ADAM22: variants seen among roughly 807,000 people sequenced by gnomAD.
ADAM22 encodes ADAM metallopeptidase domain 22, also known as disintegrin and metalloproteinase domain-containing protein 22.
ADAM22 carries 65 observed loss-of-function variants against 144.6 expected under a neutral mutation model. The ratio of observed to expected loss-of-function variants is 0.45; its 90% CI spans 0.37 to 0.55. The LOEUF is 0.55. Among genes scored for constraint, ADAM22 ranks in the 20% least tolerant of loss-of-function variants. The pLI is 0.00. For missense variants in ADAM22, 974 were observed against 1,184.9 expected (o/e 0.82, Z 2.61); for synonymous variants, 391 against 412.6 (o/e 0.95, Z 0.63).
At chr7:88,117,988 C>T (rs950570196) in intron 7 of ADAM22, among the ~76,000 whole-genome samples, 2 of 152,088 alleles carry the variant, frequency 1.3e-5, no homozygotes, top group Non-Finnish European at 2.9e-5. Context: ...CCACTGTGCC[C>T]GGCCTGATTA....
chr7:87,937,099 G>T (rs1044232261), intron 2 of ADAM22, among the ~76,000 whole-genome samples: 2 of 152,058 alleles, frequency 1.3e-5, no homozygotes, highest in Admixed American at 1.3e-4. Flanking sequence ...TGGATTACAG[G>T]CATGTGCCAC....
At chr7:87,971,071 T>C (rs1850335544) in intron 2 of ADAM22, among the ~76,000 whole-genome samples, 1 of 152,146 alleles carries the variant, frequency 6.6e-6, no homozygotes, top group Non-Finnish European at 1.5e-5. Context: ...CAGACATATA[T>C]ATATATGTTT....
chr7:88,122,188 C>A (rs1829465465), intron 7 of ADAM22, among the ~76,000 whole-genome samples: 1 of 152,170 alleles, frequency 6.6e-6, no homozygotes, highest in Non-Finnish European at 1.5e-5. Context: ...TTCTTGCTGG[C>A]TTTTGGCTGA....
chr7:88,132,689 C>T, intron 11 of ADAM22, 178 bp from the exon 12 acceptor site: 1 of 494,056 alleles, frequency 2.0e-6, no homozygotes, highest in Non-Finnish European at 3.7e-6. Context: ...AAACATCCCT[C>T]ATAAACCTTT....
intron 8 of ADAM22, 79 bp from the exon 9 acceptor site, chr7:88,128,523 G>A: frequency 8.5e-7 from 1 of 1,181,562 alleles, no homozygotes; most frequent in South Asian, 1.3e-5. Flanking sequence ...TGTTTTGTCA[G>A]TTTCTTCCAT....
intron 3 of ADAM22, among the ~76,000 whole-genome samples, chr7:88,050,703 GTTGT>G (rs1305028762): frequency 6.6e-6 from 1 of 152,064 alleles, no homozygotes; most frequent in African/African-American, 2.4e-5. Flanking sequence ...TTTTGATGGG[GTTGT>G]TTGTTTTTTT....
intron 3 of ADAM22, among the ~76,000 whole-genome samples, chr7:87,987,269 C>G (rs1032653845): frequency 6.6e-6 from 1 of 152,122 alleles, no homozygotes; most frequent in Non-Finnish European, 1.5e-5. Context: ...ACCTCCGTCT[C>G]CCGGGCTCAA....
chr7:88,128,735 A>C (rs1036474407), intron 9 of ADAM22, 59 bp downstream of exon 9: 2 of 1,363,338 alleles, frequency 1.5e-6, no homozygotes, highest in African/African-American at 2.9e-5. Flanking sequence ...GGTGAGTGCA[A>C]AAATATGTTT....
intron 3 of ADAM22, among the ~76,000 whole-genome samples, chr7:88,002,157 G>A (rs984546193): frequency 1.3e-5 from 2 of 152,078 alleles, no homozygotes; most frequent in Admixed American, 6.6e-5. Context: ...GACTTGTGAC[G>A]GAAATCCAGC....
At chr7:87,947,856 T>G (rs1003385818) in intron 2 of ADAM22, among the ~76,000 whole-genome samples, 2 of 152,192 alleles carry the variant, frequency 1.3e-5, no homozygotes, top group Non-Finnish European at 2.9e-5. Context: ...GACCCTCATC[T>G]TCATTTGTAT....
intron 2 of ADAM22, among the ~76,000 whole-genome samples, chr7:87,954,956 T>C (rs1000747068): frequency 1.7e-4 from 26 of 152,216 alleles, no homozygotes; most frequent in Non-Finnish European, 3.4e-4. Context: ...ATTCTTCACG[T>C]AGTTCTCGAG....
At chr7:88,156,746 G>A (rs1224020793) in intron 22 of ADAM22, among the ~76,000 whole-genome samples, 1 of 152,100 alleles carries the variant, frequency 6.6e-6, no homozygotes, top group Non-Finnish European at 1.5e-5. Flanking sequence ...ATACTCTATA[G>A]AGAATAAACG....
intron 29 of ADAM22, among the ~76,000 whole-genome samples, chr7:88,184,622 CGCGCTAT>C (rs957440325): frequency 4.0e-5 from 6 of 151,704 alleles, no homozygotes; most frequent in Admixed American, 3.3e-4. Context: ...TTTTGCATGT[CGCGCTAT>C]ATGCCAAGTC....
chr7:88,134,637 C>T (rs766607590), intron 13 of ADAM22, among the ~76,000 whole-genome samples: 7 of 151,960 alleles, frequency 4.6e-5, no homozygotes, highest in Non-Finnish European at 7.4e-5. Context: ...ACTTTAAAGC[C>T]GTGTGATAAT....
chr7:88,084,875 T>C (rs1233943725), intron 4 of ADAM22, among the ~76,000 whole-genome samples: 1 of 152,206 alleles, frequency 6.6e-6, no homozygotes, highest in Admixed American at 6.5e-5. Context: ...AAGATCAAGA[T>C]GTTGACAGGG....
intron 2 of ADAM22, among the ~76,000 whole-genome samples, chr7:87,958,815 C>T (rs541851772): frequency 6.6e-6 from 1 of 152,172 alleles, no homozygotes; most frequent in East Asian, 1.9e-4. Context: ...GCCTATTATG[C>T]GTTCCCCATT....
At position 88,149,085 on chromosome 7, in the gene ADAM22, C is replaced by T. The variant is rs578138409; in HGVS notation, c.1566+28C>T. 62 of 1,573,400 alleles carry T rather than the reference C, an allele frequency of 3.9e-5. No homozygotes were observed. In the African/African-American group the frequency reaches 8.2e-4, roughly 21 times the overall value. On this transcript the variant is annotated intron_variant, in intron 18 of 31. Coordinates refer to ENST00000413139, the MANE Select transcript of ADAM22 (RefSeq NM_001324418.2). ...AATTTACAAAATAACTGCTCTAAAA[C>T]TTATGGGAAAAAGTGGGGGTATCTT...
chr7:88,096,521 C>G (rs1003150036), intron 4 of ADAM22, among the ~76,000 whole-genome samples: 1 of 151,040 alleles, frequency 6.6e-6, no homozygotes, highest in African/African-American at 2.4e-5. Flanking sequence ...TATTCCATAA[C>G]TTATACTATG....
At chr7:88,042,510 A>AG (rs1271978683) in intron 3 of ADAM22, among the ~76,000 whole-genome samples, 19 of 152,184 alleles carry the variant, frequency 1.2e-4, no homozygotes, top group African/African-American at 4.6e-4. Context: ...ATATTTATTC[A>AG]TAGATTACTC....
Sources: allele counts gnomAD v4.1 joint callset (sites outside exome capture counted in the v4.1 genomes callset), GRCh38; gene constraint gnomAD v4.1.1; transcripts MANE v1.5; gene names NCBI Gene and HGNC (gene_info 2026-07-23, HGNC 2026-07-21).